Variants in NTM observed in about 807,000 individuals in gnomAD.
The protein encoded by NTM is neurotrimin.
In NTM, 13 loss-of-function variants were observed where a neutral mutation model predicts 42.1. The observed-to-expected ratio is 0.31, with a 90% confidence interval of 0.20 to 0.49. The LOEUF is 0.49. Among genes scored for constraint, NTM ranks in the 20% least tolerant of loss-of-function variants. NTM has a pLI of 0.99. For missense variants in NTM, 373 were observed against 452.8 expected (o/e 0.82, Z 1.60); for synonymous variants, 187 against 179.2 (o/e 1.04, Z -0.35).
At chr11:131,808,713 G>A (rs192063999) in intron 1 of NTM, among the ~76,000 whole-genome samples, 2 of 152,140 alleles carry the variant, frequency 1.3e-5, no homozygotes, top group African/African-American at 4.8e-5. Context: ...GTGGGAGACA[G>A]CACGTGCAAA....
intron 1 of NTM, among the ~76,000 whole-genome samples, chr11:131,489,287 G>A (rs377765925): frequency 2.4e-4 from 37 of 152,006 alleles, no homozygotes; most frequent in South Asian, 1.9e-3. Context: ...TTTTTTCCCC[G>A]TAGAAAGCTT....
At chr11:132,230,961 A>G in intron 4 of NTM, among the ~76,000 whole-genome samples, 1 of 152,208 alleles carries the variant, frequency 6.6e-6, no homozygotes, top group East Asian at 1.9e-4. Flanking sequence ...GCAGTGAGCT[A>G]TGAACACACT....
intron 2 of NTM, among the ~76,000 whole-genome samples, chr11:131,939,677 C>T (rs501050): frequency 0.56 from 84,587 of 151,978 alleles, 24,112 homozygotes; most frequent in East Asian, 0.93. Context: ...TCTTAATACT[C>T]CTGATTCTTG....
rs34297944 is a variant in NTM, at chr11:131,751,589, CAAA to C, written c.83-159961_83-159959del. On this transcript the variant is annotated intron_variant, in intron 1 of 8. Transcript: ENST00000683400. ...TGGGCAAAAGAGCAAGACTCCGTCT[CAAA>C]AAAAAAAAAAAAAGAAAATTAGCTG... is the stretch of plus-strand genomic sequence containing the variant. 2.3e-3 allele frequency among the ~76,000 whole-genome samples: 264 copies of C among 116,078 alleles called. 1 individual carries two copies. Among genetic ancestry groups the C allele is most frequent in the African/African-American group, 7.2e-3 (228 of 31,770 alleles). 76.2% of individuals were successfully genotyped at this position (116,078 alleles called of 152,430 possible).
chr11:132,067,345 A>G (rs1436476611), intron 2 of NTM, among the ~76,000 whole-genome samples: 2 of 152,180 alleles, frequency 1.3e-5, no homozygotes, highest in Non-Finnish European at 2.9e-5. Context: ...CATTTTCCCC[A>G]TACCAACATA....
At chr11:131,632,530 T>G (rs1207339631) in intron 1 of NTM, among the ~76,000 whole-genome samples, 1 of 152,178 alleles carries the variant, frequency 6.6e-6, no homozygotes, top group African/African-American at 2.4e-5. Context: ...TCACCTTAGC[T>G]TTTCTTCCAG....
chr11:131,767,366 T>G (rs2085289504), intron 1 of NTM: 2 of 152,200 alleles, frequency 1.3e-5, no homozygotes, highest in Admixed American at 6.5e-5. Context: ...GAAACCAGTT[T>G]AGGCAACATA....
chr11:131,410,606 C>G (rs1321503099), intron 1 of NTM, among the ~76,000 whole-genome samples: 1 of 149,256 alleles, frequency 6.7e-6, no homozygotes, highest in Non-Finnish European at 1.5e-5. Flanking sequence ...CTTCCTGGGA[C>G]ACTTCCCTGA....
chr11:131,827,615 C>T (rs1274155050), intron 1 of NTM, among the ~76,000 whole-genome samples: 1 of 152,166 alleles, frequency 6.6e-6, no homozygotes, highest in Non-Finnish European at 1.5e-5. Flanking sequence ...TGAAACCACA[C>T]TACTTCCCCT....
intron 2 of NTM, among the ~76,000 whole-genome samples, chr11:132,121,461 A>G (rs1366483612): frequency 6.6e-6 from 1 of 152,162 alleles, no homozygotes; most frequent in Non-Finnish European, 1.5e-5. Context: ...TGAGGGACAA[A>G]TGGAAAATGC....
rs557380660 is a variant in NTM at position 132,203,928 on chromosome 11, A to C, written c.401-8094A>C. Among the ~76,000 whole-genome samples, 64 of 152,112 alleles carry C rather than the reference A, an allele frequency of 4.2e-4. No homozygotes were observed. In the East Asian group the frequency reaches 8.3e-3, roughly 20 times the overall value. The stretch of plus-strand genomic sequence containing the variant: ...AACAAAAAACAGCAACAACAACAAA[A>C]AAAAAACACTGCAATTTTCAGCTGT... On this transcript the variant is annotated intron_variant, in intron 3 of 8. Coordinates refer to ENST00000683400, the MANE Select transcript of NTM (RefSeq NM_001352005.2).
At chr11:131,561,195 C>T (rs936351313) in intron 1 of NTM, among the ~76,000 whole-genome samples, 9 of 152,192 alleles carry the variant, frequency 5.9e-5, no homozygotes, top group Admixed American at 5.2e-4. Flanking sequence ...GTCCAAGTTT[C>T]CTGGCTTAGA....
chr11:131,773,015 A>C (rs78512209), intron 1 of NTM, among the ~76,000 whole-genome samples: 7,511 of 152,198 alleles, frequency 0.049, 597 homozygotes, highest in African/African-American at 0.17. Context: ...ACTGACATAA[A>C]TAAAGGATAG....
At chr11:131,492,570 C>T (rs1954915637) in intron 1 of NTM, among the ~76,000 whole-genome samples, 1 of 152,312 alleles carries the variant, frequency 6.6e-6, no homozygotes, top group East Asian at 1.9e-4. Flanking sequence ...GCACAAGCAG[C>T]CATGGCCCCG....
At chr11:131,741,316 A>T (rs1035919221) in intron 1 of NTM, among the ~76,000 whole-genome samples, 1 of 152,138 alleles carries the variant, frequency 6.6e-6, no homozygotes, top group Non-Finnish European at 1.5e-5. Context: ...GGAGGGCAGG[A>T]TGAGGGCCTG....
intron 1 of NTM, among the ~76,000 whole-genome samples, chr11:131,489,101 T>C (rs1422618087): frequency 6.6e-6 from 1 of 152,232 alleles, no homozygotes; most frequent in Non-Finnish European, 1.5e-5. Context: ...CCTTCCTCCG[T>C]GGCTCCAGCT....
At chr11:132,167,837 G>A (rs148197710) in intron 3 of NTM, among the ~76,000 whole-genome samples, 12 of 152,224 alleles carry the variant, frequency 7.9e-5, no homozygotes, top group African/African-American at 2.9e-4. Context: ...AGCCAAATAC[G>A]AATCTGAAAC....
At chr11:131,607,669 C>G (rs1354599883) in intron 1 of NTM, among the ~76,000 whole-genome samples, 3 of 152,118 alleles carry the variant, frequency 2.0e-5, no homozygotes, top group Admixed American at 6.5e-5. Flanking sequence ...CCCTCCAACA[C>G]TCATGCTTTT....
intron 1 of NTM, among the ~76,000 whole-genome samples, chr11:131,823,445 C>T (rs766383586): frequency 2.6e-4 from 39 of 152,298 alleles, no homozygotes; most frequent in African/African-American, 6.0e-4. Flanking sequence ...CCACCAGAGA[C>T]GCGGCTCAGA....
Sources: allele counts gnomAD v4.1 joint callset (sites outside exome capture counted in the v4.1 genomes callset), GRCh38; gene constraint gnomAD v4.1.1; transcripts MANE v1.5; gene names NCBI Gene and HGNC (gene_info 2026-07-23, HGNC 2026-07-21).